Variants in ACER2 observed in about 807,000 individuals in gnomAD.
ACER2 encodes the protein alkCDase 2.
Under a neutral mutation model 34.7 loss-of-function variants are expected in ACER2, and 26 were observed. The ratio of observed to expected loss-of-function variants is 0.75; its 90% CI spans 0.55 to 1.04. ACER2 has a LOEUF of 1.04. Ranked by LOEUF, ACER2 falls within the 50% of genes least tolerant of loss-of-function variation. The pLI, the probability that ACER2 is intolerant of heterozygous loss-of-function variation, is 0.00. For synonymous variants in ACER2, 138 were observed against 132.1 expected, an observed-to-expected ratio of 1.04 and a Z score of -0.31; for missense variants, 352 against 340.8, an observed-to-expected ratio of 1.03 and a Z score of -0.26.
chr9:19,416,937 ATC>A (rs1195026805), intron 1 of ACER2, among the ~76,000 whole-genome samples: 3 of 152,192 alleles, frequency 2.0e-5, no homozygotes, highest in African/African-American at 7.2e-5. Flanking sequence ...AAGTCAAATT[ATC>A]TCTGTTTGCA....
At chr9:19,433,542 C>T (rs1830830487) in intron 3 of ACER2, among the ~76,000 whole-genome samples, 2 of 152,154 alleles carry the variant, frequency 1.3e-5, no homozygotes, top group Non-Finnish European at 2.9e-5. Context: ...GAAAAGTCTC[C>T]CATGTCTACC....
chr9:19,431,423 C>T lies in ACER2; in HGVS notation c.366-3524C>T, dbSNP rs944848538. Reference sequence around the variant, plus strand: ...TCTGACCTGTGCGTAATTCTTAAACCGCTGGGTACAGAGAGGTGATGCACT... The same window carrying T: ...TCTGACCTGTGCGTAATTCTTAAACTGCTGGGTACAGAGAGGTGATGCACT... On this transcript the variant is annotated intron_variant, in intron 3 of 5. Transcript: ENST00000340967. 2.0e-4 allele frequency among the ~76,000 whole-genome samples: 30 copies of T among 152,276 alleles called. 1 individual carries two copies. The highest frequency in any genetic ancestry group is 7.0e-4 in the African/African-American group (29 of 41,558).
chr9:19,410,586 TGTC>T (rs1365087670), intron 1 of ACER2, among the ~76,000 whole-genome samples: 5 of 152,150 alleles, frequency 3.3e-5, no homozygotes, highest in Non-Finnish European at 7.3e-5. Flanking sequence ...GGCACACACT[TGTC>T]GTCCCAGCTA....
chr9:19,424,794 C>T lies in ACER2; in HGVS notation c.318C>T (p.Ala106=), dbSNP rs1563877820. 4.3e-6 allele frequency: 7 copies of T among 1,614,070 alleles called. No homozygotes were observed. The East Asian group carries it at 1.6e-4, about 36-fold the overall frequency. Residue 106 remains alanine, a synonymous_variant, in exon 3 of 6, where the codon GCC becomes GCT. Coordinates refer to ENST00000340967, the MANE Select transcript of ACER2 (RefSeq NM_001010887.3). ...AVLWVLMCAL[A]MWFPRRYLPK... ...TTTGGGTTCTGATGTGTGCTTTGGC[C>T]ATGTGGTTCCCCAGAAGGTATCTAC...
At chr9:19,422,026 A>G (rs922802600) in intron 1 of ACER2, among the ~76,000 whole-genome samples, 2 of 151,960 alleles carry the variant, frequency 1.3e-5, no homozygotes, top group African/African-American at 2.4e-5. Context: ...ACTCATGCCT[A>G]TAATCCCAGC....
At chr9:19,446,662 T>C in intron 5 of ACER2, 1 of 982,268 alleles carries the variant, frequency 1.0e-6, no homozygotes, top group Non-Finnish European at 1.2e-6. Flanking sequence ...TCTGCAGTCT[T>C]TTACCTCTAA....
chr9:19,434,642 G>C (rs1204302993), intron 3 of ACER2, among the ~76,000 whole-genome samples: 1 of 152,252 alleles, frequency 6.6e-6, no homozygotes, highest in African/African-American at 2.4e-5. Context: ...GTGTGGCGGT[G>C]CGCGCCTGCA....
rs1831575624 is a variant in ACER2, at chr9:19,451,707, C to T, written c.*1071C>T. The T allele has an allele frequency of 1.3e-5, 2 of 152,212 alleles. No individual in the cohort carries two copies. The highest frequency in any genetic ancestry group is 2.4e-5 in the African/African-American group (1 of 41,448). 9.4% of individuals were successfully genotyped at this position (152,212 alleles called of 1,614,324 possible). A position where few individuals can be genotyped will look rare whatever the true frequency, so the allele number is the denominator to read the frequency against. ...ACCCACCATCTTTAAGACTTGACCT[C>T]TGTAAGTTTACCAAAGGGCTCCTCA... is the stretch of plus-strand genomic sequence containing the variant. On this transcript the variant is annotated 3_prime_UTR_variant, in exon 6 of 6. Coordinates refer to ENST00000340967, the MANE Select transcript of ACER2 (RefSeq NM_001010887.3).
intron 1 of ACER2, among the ~76,000 whole-genome samples, chr9:19,412,385 G>A (rs1271333451): frequency 6.6e-6 from 1 of 152,182 alleles, no homozygotes; most frequent in East Asian, 1.9e-4. Context: ...GGGGGCAGTG[G>A]CTCATGCCTG....
chr9:19,432,986 G>A (rs181069984), intron 3 of ACER2, among the ~76,000 whole-genome samples: 21 of 151,668 alleles, frequency 1.4e-4, no homozygotes, highest in Admixed American at 5.9e-4. Context: ...GAAAACATAC[G>A]GAAAAATCGC....
chr9:19,449,210 A>G (rs375171952), intron 5 of ACER2, among the ~76,000 whole-genome samples: 9 of 152,250 alleles, frequency 5.9e-5, no homozygotes, highest in East Asian at 3.8e-4. Context: ...CTACGTAACT[A>G]TGTGCCACTT....
intron 3 of ACER2, among the ~76,000 whole-genome samples, chr9:19,427,647 C>G: frequency 2.4e-5 from 2 of 83,470 alleles, no homozygotes; most frequent in African/African-American, 8.7e-5. Flanking sequence ...TTTCTTTTCT[C>G]TTCTCTTCTC....
intron 4 of ACER2, among the ~76,000 whole-genome samples, chr9:19,442,381 T>G (rs16937527): frequency 0.14 from 20,799 of 152,096 alleles, 4,149 homozygotes; most frequent in African/African-American, 0.44. Flanking sequence ...GAAATGGGAG[T>G]GAAACCTAAT....
chr9:19,436,673 G>A (rs1412026432), intron 4 of ACER2, among the ~76,000 whole-genome samples: 2 of 152,028 alleles, frequency 1.3e-5, no homozygotes, highest in African/African-American at 2.4e-5. Context: ...ACAGATCTAG[G>A]TCCTCGTTTT....
In ACER2 at chr9:19,434,992, G is replaced by C. The variant is rs775615026; in HGVS notation, c.411G>C (p.Thr137=). 5.6e-6 allele frequency: 9 copies of C among 1,614,144 alleles called. 1 individual carries two copies. Among genetic ancestry groups the C allele is most frequent in the South Asian group, 4.4e-5 (4 of 91,090 alleles). The change falls in exon 4 of 6, where the codon ACG becomes ACC. Residue 137 remains threonine, a synonymous_variant. Coordinates refer to ENST00000340967, the MANE Select transcript of ACER2 (RefSeq NM_001010887.3). ...TCAGTGTCCTGTCTGCGGTTACGAC[G>C]TGCCTGGCATTTGTCAAGCCTGCCA... ...VVVSVLSAVT[T]CLAFVKPAIN...
rs41270115 is a variant in ACER2 at position 19,435,013 on chromosome 9, T to C, written c.432T>C (p.Pro144=). The change falls in exon 4 of 6, where the codon CCT becomes CCC. Residue 144 remains proline, a synonymous_variant. Transcript: ENST00000340967. ...AVTTCLAFVK[P]AINNISLMTL... is the part of the protein sequence containing the mutation. ...CGACGTGCCTGGCATTTGTCAAGCC[T>C]GCCATCAACAACATCTCTCTGATGA... The C allele has an allele frequency of 0.01, 16,245 of 1,614,200 alleles. 115 individuals carry two copies. The highest frequency in any genetic ancestry group is 0.012 in the Non-Finnish European group (14,591 of 1,180,020).
In ACER2 at chr9:19,430,406, G is replaced by C. The variant is rs73418102; in HGVS notation, c.366-4541G>C. ...CTGGAAAGTTGAAAACAGGACCAGA[G>C]GCTGTCATCAATCACAGTTTAGAAA... On this transcript the variant is annotated intron_variant, in intron 3 of 5. Coordinates refer to ENST00000340967, the MANE Select transcript of ACER2 (RefSeq NM_001010887.3). 5.9e-3 allele frequency among the ~76,000 whole-genome samples: 901 copies of C among 152,250 alleles called. 4 individuals are homozygous for C. Among genetic ancestry groups the C allele is most frequent in the African/African-American group, 0.016 (651 of 41,558 alleles).
chr9:19,412,323 A>G (rs962909292), intron 1 of ACER2, among the ~76,000 whole-genome samples: 5 of 152,226 alleles, frequency 3.3e-5, no homozygotes, highest in Non-Finnish European at 7.3e-5. Flanking sequence ...TTTTCTAGGC[A>G]TATAAAAAGC....
chr9:19,430,194 A>C (rs13297629), intron 3 of ACER2, among the ~76,000 whole-genome samples: 32,105 of 150,938 alleles, frequency 0.21, 3,657 homozygotes, highest in South Asian at 0.3. Flanking sequence ...TACTTTGGTT[A>C]AAAGGGACAC....
Sources: gnomAD v4.1 joint callset for allele counts (sites outside exome capture counted in the v4.1 genomes callset) on GRCh38, gnomAD v4.1.1 for gene constraint, MANE v1.5 for transcripts, NCBI Gene and HGNC (gene_info 2026-07-23, HGNC 2026-07-21) for gene names.